C16orf74: variants seen among roughly 807,000 people sequenced by gnomAD.
C16orf74 encodes calcimembrin.
In C16orf74, 10 loss-of-function variants were observed where a neutral mutation model predicts 6.5. That is an observed-to-expected ratio of 1.54 (90% confidence interval 0.95 to 2.61). The LOEUF (loss-of-function observed/expected upper bound fraction) is 2.61, where lower values mean the gene tolerates loss of function less well. Among genes scored for constraint, C16orf74 ranks in the 30% most tolerant of loss-of-function variants. The pLI is 0.00. For synonymous variants in C16orf74, 60 were observed against 42.5 expected, an observed-to-expected ratio of 1.41 and a Z score of -1.60; for missense variants, 141 against 105.9, an observed-to-expected ratio of 1.33 and a Z score of -1.45.
chr16:85,730,058 G>C lies in C16orf74; in HGVS notation c.28+5132C>G, dbSNP rs191791258. Among the ~76,000 whole-genome samples, 1,502 of 152,272 alleles carry C rather than the reference G, an allele frequency of 9.9e-3. 11 individuals are homozygous for C. Among genetic ancestry groups the C allele is most frequent in the Non-Finnish European group, 0.015 (999 of 68,018 alleles). ...CACAAAGCCAGCCCAATAGGGAAGG[G>C]GCCTGTGTCTTCCTGGGCAGTTACA... On this transcript the variant is annotated intron_variant, in intron 2 of 3. Coordinates refer to ENST00000284245, the MANE Select transcript of C16orf74 (RefSeq NM_206967.3).
chr16:85,736,354 C>A (rs1007994810), intron 1 of C16orf74, among the ~76,000 whole-genome samples: 1 of 152,082 alleles, frequency 6.6e-6, no homozygotes, highest in South Asian at 2.1e-4. Flanking sequence ...GGCTGGGGAG[C>A]AAGGCAGCAG....
intron 1 of C16orf74, among the ~76,000 whole-genome samples, chr16:85,749,464 G>A (rs1392733517): frequency 6.6e-6 from 1 of 151,526 alleles, no homozygotes; most frequent in South Asian, 2.1e-4. Context: ...AAAATTTTTA[G>A]TAGCTGGGGG....
At chr16:85,732,141 C>A (rs558884008) in intron 2 of C16orf74, among the ~76,000 whole-genome samples, 1 of 152,206 alleles carries the variant, frequency 6.6e-6, no homozygotes, top group Non-Finnish European at 1.5e-5. Flanking sequence ...AGCCCACAAA[C>A]CAAAGAATGG....
intron 1 of C16orf74, among the ~76,000 whole-genome samples, chr16:85,747,515 T>C (rs903816573): frequency 1.3e-5 from 2 of 151,968 alleles, no homozygotes; most frequent in African/African-American, 4.8e-5. Context: ...AAACCATGGC[T>C]GGGAGGAGCA....
rs950166951 is a variant in C16orf74, at chr16:85,736,304, G to T, written c.-18-1069C>A. 2.0e-5 allele frequency among the ~76,000 whole-genome samples: 3 copies of T among 152,158 alleles called. 1 individual carries two copies. The highest frequency in any genetic ancestry group is 7.2e-5 in the African/African-American group (3 of 41,438). The stretch of plus-strand genomic sequence containing the variant: ...AGGAGACCCCAGGCCTGGCCCTCAT[G>T]TGCAGGCTGTTGGTGGATTGGTAGC... On this transcript the variant is annotated intron_variant, in intron 1 of 3. Coordinates refer to ENST00000284245, the MANE Select transcript of C16orf74 (RefSeq NM_206967.3).
At chr16:85,722,096 C>T (rs1217902653) in intron 2 of C16orf74, among the ~76,000 whole-genome samples, 1 of 149,378 alleles carries the variant, frequency 6.7e-6, no homozygotes, top group Non-Finnish European at 1.5e-5. Context: ...CTCCTGCGCT[C>T]AGGTGATCTT....
chr16:85,747,842 C>G (rs1406525189), intron 1 of C16orf74, among the ~76,000 whole-genome samples: 3 of 151,990 alleles, frequency 2.0e-5, no homozygotes, highest in Non-Finnish European at 4.4e-5. Flanking sequence ...AATCCCAGCA[C>G]TTTGGGAGGC....
chr16:85,751,086 G>C lies in C16orf74; in HGVS notation c.-179C>G, dbSNP rs2054433646. On this transcript the variant is annotated 5_prime_UTR_variant, in exon 1 of 4. Transcript: ENST00000284245. ...TCATGGCCCGGCCGGCGCTCGGGCA[G>C]CCGCGCGCCTCCCGCGGTCCCGCCC... 6.8e-6 allele frequency: 1 copy of C among 148,120 alleles called. No individual in the cohort carries two copies. 9.2% of individuals were successfully genotyped at this position (148,120 alleles called of 1,614,324 possible). A position where few individuals can be genotyped will look rare whatever the true frequency, so the allele number is the denominator to read the frequency against.
intron 1 of C16orf74, among the ~76,000 whole-genome samples, chr16:85,749,352 C>G (rs1372782810): frequency 6.6e-6 from 1 of 152,074 alleles, no homozygotes; most frequent in East Asian, 1.9e-4. Flanking sequence ...GTGGCGTGAT[C>G]ATAGCTCACT....
intron 3 of C16orf74, among the ~76,000 whole-genome samples, chr16:85,709,878 G>C (rs1407344186): frequency 6.6e-6 from 1 of 151,374 alleles, no homozygotes; most frequent in Non-Finnish European, 1.5e-5. Context: ...ACCTTGGCTG[G>C]CCGGAGCCGC....
chr16:85,723,043 G>A (rs536756333), intron 2 of C16orf74, among the ~76,000 whole-genome samples: 5 of 152,260 alleles, frequency 3.3e-5, no homozygotes, highest in Admixed American at 2.0e-4. Flanking sequence ...TAGGTCACCT[G>A]AGGTCAGGAA....
chr16:85,718,259 G>C (rs1172429527), intron 2 of C16orf74, among the ~76,000 whole-genome samples: 2 of 152,042 alleles, frequency 1.3e-5, no homozygotes, highest in Non-Finnish European at 2.9e-5. Flanking sequence ...CTTTTTTGTA[G>C]AGACAGGGCC....
intron 2 of C16orf74, chr16:85,710,833 C>A (rs1399755986): frequency 6.5e-6 from 1 of 152,810 alleles, no homozygotes; most frequent in Admixed American, 6.5e-5. Flanking sequence ...GGAAAGGTGT[C>A]CCAGCAGATC....
chr16:85,745,167 A>T, intron 1 of C16orf74, among the ~76,000 whole-genome samples: 1 of 148,780 alleles, frequency 6.7e-6, no homozygotes, highest in African/African-American at 2.5e-5. Context: ...AAAAAAAAAA[A>T]ATCTCCCTGT....
chr16:85,728,513 G>T (rs2054156307), intron 2 of C16orf74, among the ~76,000 whole-genome samples: 1 of 152,136 alleles, frequency 6.6e-6, no homozygotes, highest in Admixed American at 6.5e-5. Context: ...CCAGGCTGGA[G>T]CTGACGCCCA....
At chr16:85,740,585 G>C (rs2054294297) in intron 1 of C16orf74, among the ~76,000 whole-genome samples, 1 of 151,608 alleles carries the variant, frequency 6.6e-6, no homozygotes, top group South Asian at 2.1e-4. Context: ...CCAGCTACTA[G>C]AGACGCTGAG....
intron 2 of C16orf74, among the ~76,000 whole-genome samples, chr16:85,717,232 G>C (rs1273048698): frequency 1.3e-5 from 2 of 152,208 alleles, no homozygotes; most frequent in Admixed American, 6.5e-5. Context: ...CAGGCTTTGA[G>C]ACCCGGCTCT....
intron 1 of C16orf74, among the ~76,000 whole-genome samples, chr16:85,740,352 C>T (rs931858301): frequency 4.6e-5 from 7 of 150,588 alleles, no homozygotes; most frequent in African/African-American, 1.5e-4. Flanking sequence ...GTGAGGAGTT[C>T]GAGACCAGCC....
intron 3 of C16orf74, among the ~76,000 whole-genome samples, chr16:85,709,711 C>G (rs973487483): frequency 1.3e-5 from 2 of 152,198 alleles, no homozygotes; most frequent in African/African-American, 4.8e-5. Flanking sequence ...ATTTCCTCGC[C>G]GCTCCCAGCA....
Sources: gnomAD v4.1 joint callset for allele counts (sites outside exome capture counted in the v4.1 genomes callset) on GRCh38, gnomAD v4.1.1 for gene constraint, MANE v1.5 for transcripts, NCBI Gene and HGNC (gene_info 2026-07-23, HGNC 2026-07-21) for gene names.